The following SLC35A5 variants were observed in gnomAD, a reference collection of about 807,000 sequenced individuals.
SLC35A5 encodes UDP-sugar transporter protein SLC35A5.
Under a neutral mutation model 36.3 loss-of-function variants are expected in SLC35A5, and 28 were observed. That is an observed-to-expected ratio of 0.77 (90% CI 0.57 to 1.06). The LOEUF (loss-of-function observed/expected upper bound fraction) is 1.06, where lower values mean the gene tolerates loss of function less well. SLC35A5 is among the 50% of genes least tolerant of loss of function. The pLI, the probability that SLC35A5 is intolerant of heterozygous loss-of-function variation, is 0.00. For missense variants in SLC35A5, 521 were observed against 499.3 expected (o/e 1.04, Z -0.41); for synonymous variants, 180 against 173.7 (o/e 1.04, Z -0.29).
intron 5 of SLC35A5, among the ~76,000 whole-genome samples, chr3:112,577,929 CT>C (rs897107889): frequency 3.9e-5 from 6 of 152,170 alleles, no homozygotes; most frequent in Non-Finnish European, 8.8e-5. Flanking sequence ...TTATGTGAGT[CT>C]TTCCATTTAA....
chr3:112,569,112 G>A (rs1381253866), intron 2 of SLC35A5, 59 bp from the exon 3 acceptor site: 2 of 1,309,900 alleles, frequency 1.5e-6, no homozygotes, highest in South Asian at 1.2e-5. Flanking sequence ...ATGTTATACT[G>A]TATATAAACA....
chr3:112,568,879 A>T (rs987753841), intron 2 of SLC35A5, among the ~76,000 whole-genome samples: 5 of 152,226 alleles, frequency 3.3e-5, no homozygotes, highest in Non-Finnish European at 7.3e-5. Context: ...ATGCCATGCC[A>T]CAGAGCTTTC....
upstream of SLC35A5, chr3:112,561,875 G>T: frequency 7.0e-6 from 2 of 286,014 alleles, no homozygotes; most frequent in Non-Finnish European, 1.3e-5. Flanking sequence ...GTCTGTCCTC[G>T]CTTTGCTTCA....
At chr3:112,561,600 G>A, upstream of SLC35A5, 1 of 1,469,942 alleles carries the variant, frequency 6.8e-7, no homozygotes. Context: ...CAGGGAGTCA[G>A]AAAATGTCCT....
chr3:112,579,609 T>C (rs926051976), intron 5 of SLC35A5, among the ~76,000 whole-genome samples: 1 of 152,156 alleles, frequency 6.6e-6, no homozygotes, highest in Non-Finnish European at 1.5e-5. Context: ...TAAACTTCAA[T>C]TAATTTTTCA....
In SLC35A5 at chr3:112,584,186, G is replaced by T. The variant is rs1185537277; in HGVS notation, c.*1450G>T. ...TTGTGTTGCCACTCTGTCATTTAGG[G>T]TGGGATGTAGAGTACTTTTAATCTT... On this transcript the variant is annotated 3_prime_UTR_variant, in exon 7 of 7. Transcript: ENST00000492406. 1 of 152,094 alleles carries T rather than the reference G, an allele frequency of 6.6e-6. No individual in the cohort carries two copies. Among genetic ancestry groups the T allele is most frequent in the Non-Finnish European group, 1.5e-5 (1 of 68,020 alleles). The allele number at this position is 152,094 out of a possible 1,614,324, so 9.4% of individuals were successfully genotyped here.
intron 3 of SLC35A5, among the ~76,000 whole-genome samples, chr3:112,570,067 G>A (rs1285097656): frequency 6.6e-6 from 1 of 152,154 alleles, no homozygotes; most frequent in Admixed American, 6.5e-5. Context: ...CAGTGCCTAA[G>A]TTTTTAGAAA....
chr3:112,570,729 AT>A (rs11411476), intron 4 of SLC35A5, 59 bp downstream of exon 4: 66,058 of 1,087,976 alleles, frequency 0.061, 1 homozygote, highest in Non-Finnish European at 0.065. Flanking sequence ...AAATCCCAGA[AT>A]TTTTTTTTTT....
Position 112,580,834 on chromosome 3 carries a change from G to A in SLC35A5, c.717G>A (p.Gln239=). 1 of 1,614,154 alleles carries A rather than the reference G, an allele frequency of 6.2e-7. No homozygotes were observed. The highest frequency in any genetic ancestry group is 8.5e-7 in the Non-Finnish European group (1 of 1,179,990). Residue 239 remains glutamine (Q), a synonymous_variant, in exon 6 of 7, where the codon CAG becomes CAA. Transcript: ENST00000492406. ...LGMGHVLIIV[Q]CFISSMANIY... Reference sequence around the variant, plus strand: ...TGGGCCATGTTCTTATTATAGTCCAGTGTTTTATTTCTTCAATGGCTAATA... The same window carrying A: ...TGGGCCATGTTCTTATTATAGTCCAATGTTTTATTTCTTCAATGGCTAATA...
intron 5 of SLC35A5, among the ~76,000 whole-genome samples, chr3:112,575,642 T>C (rs1050291770): frequency 4.6e-5 from 7 of 152,150 alleles, no homozygotes; most frequent in African/African-American, 1.7e-4. Flanking sequence ...ATAATAATGA[T>C]TCTTAGACAT....
At chr3:112,572,334 A>G (rs969303984) in intron 4 of SLC35A5, among the ~76,000 whole-genome samples, 6 of 152,016 alleles carry the variant, frequency 3.9e-5, no homozygotes, top group African/African-American at 1.2e-4. Context: ...TAATAATAAT[A>G]ATAATATACT....
At chr3:112,567,314 T>A (rs899971189) in intron 2 of SLC35A5, among the ~76,000 whole-genome samples, 1 of 152,002 alleles carries the variant, frequency 6.6e-6, no homozygotes, top group African/African-American at 2.4e-5. Flanking sequence ...AGGGAAGATT[T>A]GTTTTGAGTT....
intron 3 of SLC35A5, 81 bp from the exon 4 acceptor site, chr3:112,570,459 A>G (rs1346162805): frequency 3.5e-6 from 5 of 1,423,220 alleles, no homozygotes; most frequent in African/African-American, 2.9e-5. Flanking sequence ...AAAGAATTGT[A>G]TCAGTAATCA....
rs755246858 is a variant in SLC35A5 at position 112,582,664 on chromosome 3, C to G, written c.1210-7C>G. The G allele has an allele frequency of 4.3e-6, 7 of 1,609,242 alleles. No individual in the cohort carries two copies. On this transcript the variant is annotated splice_region_variant and splice_polypyrimidine_tract_variant and intron_variant, in intron 6 of 6. Transcript: ENST00000492406. ...GTTCTAATTACTGCTTTCATGTTTCCTTTTAGGATGGAGAAGAACTAGAAA... is the reference window on the plus strand; with the variant it reads ...GTTCTAATTACTGCTTTCATGTTTCGTTTTAGGATGGAGAAGAACTAGAAA...
At chr3:112,561,501 C>T, upstream of SLC35A5, 1 of 1,613,026 alleles carries the variant, frequency 6.2e-7, no homozygotes, top group Non-Finnish European at 8.5e-7. Context: ...AGTGCCTTTC[C>T]CTTCACAGTA....
chr3:112,581,009 T>A lies in SLC35A5; in HGVS notation c.892T>A (p.Phe298Ile), dbSNP rs1385981304. Residue 298 changes from phenylalanine to isoleucine, a missense_variant, in exon 6 of 7, where the codon TTT (phenylalanine) becomes ATT (isoleucine). By Grantham distance (21) the Phe-to-Ile change is conservative. Coordinates refer to ENST00000492406, the MANE Select transcript of SLC35A5 (RefSeq NM_017945.5). The part of the protein sequence containing the change: ...SNRDQIKNCG[F>I]FYGHSAFSVA... ...CCGTGATCAGATTAAGAACTGTGGA[T>A]TTTTTTATGGCCACAGTGCATTTTC... is the stretch of plus-strand genomic sequence containing the variant. 1 of 1,613,968 alleles carries A rather than the reference T, an allele frequency of 6.2e-7. No individual in the cohort carries two copies. Among genetic ancestry groups the A allele is most frequent in the Admixed American group, 1.7e-5 (1 of 59,984 alleles).
At chr3:112,563,696 C>A (rs1010479362) in intron 2 of SLC35A5, among the ~76,000 whole-genome samples, 163 bp downstream of exon 2, 7 of 152,134 alleles carry the variant, frequency 4.6e-5, no homozygotes, top group African/African-American at 1.7e-4. Flanking sequence ...CATTCCTCAA[C>A]AAGAAAAAAT....
chr3:112,583,156 A>G lies in SLC35A5; in HGVS notation c.*420A>G, dbSNP rs1040211562. ...TTCCCTTTTTAACATTATAAAAGCT[A>G]GGTTGTCTCTTGAATTTTGAGGCCC... is the stretch of plus-strand genomic sequence containing the variant. On this transcript the variant is annotated 3_prime_UTR_variant, in exon 7 of 7. Coordinates refer to ENST00000492406, the MANE Select transcript of SLC35A5 (RefSeq NM_017945.5). The G allele has an allele frequency of 3.8e-5, 15 of 398,942 alleles. No individual in the cohort carries two copies. The highest frequency in any genetic ancestry group is 6.2e-5 in the Non-Finnish European group (14 of 226,416). 24.7% of individuals were successfully genotyped at this position (398,942 alleles called of 1,614,324 possible).
At chr3:112,574,963 T>C (rs1291670427) in intron 5 of SLC35A5, among the ~76,000 whole-genome samples, 1 of 152,172 alleles carries the variant, frequency 6.6e-6, no homozygotes, top group Non-Finnish European at 1.5e-5. Context: ...TACGTATCTG[T>C]CAATTTATTT....
Sources: allele counts gnomAD v4.1 joint callset (sites outside exome capture counted in the v4.1 genomes callset), GRCh38; gene constraint gnomAD v4.1.1; transcripts MANE v1.5; gene names NCBI Gene and HGNC (gene_info 2026-07-23, HGNC 2026-07-21).